The following ANKRD17 variants were observed in gnomAD, a reference collection of about 807,000 sequenced individuals.
ANKRD17 encodes ankyrin repeat domain 17, also known as ankyrin repeat domain-containing protein 17.
Under a neutral mutation model 229.7 loss-of-function variants are expected in ANKRD17, and 19 were observed. The ratio of observed to expected loss-of-function variants is 0.08; its 90% CI spans 0.06 to 0.12. The LOEUF (loss-of-function observed/expected upper bound fraction) is 0.12, where lower values mean the gene tolerates loss of function less well. Ranked by LOEUF, ANKRD17 falls within the 10% of genes least tolerant of loss-of-function variation. ANKRD17 has a pLI of 1.00. For synonymous variants in ANKRD17, 1,112 were observed against 1,146.1 expected, an observed-to-expected ratio of 0.97 and a Z score of 0.60; for missense variants, 2,176 against 3,176.8, an observed-to-expected ratio of 0.68 and a Z score of 7.57.
At chr4:73,177,616 G>C in intron 1 of ANKRD17, 83 bp from the exon 2 acceptor site, 13 of 1,085,056 alleles carry the variant, frequency 1.2e-5, no homozygotes, top group Non-Finnish European at 1.7e-5. Flanking sequence ...AAAGAAAGCA[G>C]GGGAGGGAAA....
chr4:73,163,788 TA>T (rs1272199030), intron 2 of ANKRD17, among the ~76,000 whole-genome samples: 2 of 152,218 alleles, frequency 1.3e-5, no homozygotes, highest in African/African-American at 2.4e-5. Flanking sequence ...GCCTTTAAAA[TA>T]TTTTTTTTCT....
intron 22 of ANKRD17, among the ~76,000 whole-genome samples, chr4:73,117,603 G>C (rs111425671): frequency 8.6e-4 from 131 of 152,304 alleles, no homozygotes; most frequent in African/African-American, 2.9e-3. Flanking sequence ...ATCTAGGGAA[G>C]AGGTAGAATA....
At position 73,091,129 on chromosome 4, in the gene ANKRD17, G is replaced by T; in HGVS notation, c.6499C>A (p.Pro2167Thr). 3 of 1,614,092 alleles carry T rather than the reference G, an allele frequency of 1.9e-6. No homozygotes were observed. The highest frequency in any genetic ancestry group is 2.5e-6 in the Non-Finnish European group (3 of 1,180,038). ...YPMPQTPMGC[P>T]QPTPKMETPA... ...GTTTCCATTTTAGGAGTAGGCTGGGGGCATCCCATTGGTGTCTGAGGCATA... is the reference window on the plus strand; with the variant it reads ...GTTTCCATTTTAGGAGTAGGCTGGGTGCATCCCATTGGTGTCTGAGGCATA... The change falls in exon 29 of 34, where the codon CCC becomes ACC. Residue 2167 changes from proline to threonine, a missense_variant. Physicochemically the swap from Pro to Thr is conservative, Grantham distance 38. Coordinates refer to ENST00000358602, the MANE Select transcript of ANKRD17 (RefSeq NM_032217.5).
At chr4:73,194,536 T>A (rs563084908) in intron 1 of ANKRD17, among the ~76,000 whole-genome samples, 1 of 152,186 alleles carries the variant, frequency 6.6e-6, no homozygotes, top group Admixed American at 6.5e-5. Context: ...CTTTTCTATA[T>A]AGATACTAAA....
intron 1 of ANKRD17, among the ~76,000 whole-genome samples, chr4:73,179,490 A>G (rs113915965): frequency 0.041 from 2,047 of 49,606 alleles, 16 homozygotes; most frequent in South Asian, 0.056. Flanking sequence ...GTGTGTGTGT[A>G]TATATATATA....
chr4:73,188,364 A>T (rs556417635), intron 1 of ANKRD17, among the ~76,000 whole-genome samples: 1 of 152,226 alleles, frequency 6.6e-6, no homozygotes, highest in South Asian at 2.1e-4. Context: ...AGGTAGGCGG[A>T]TCATGAGGTC....
intron 2 of ANKRD17, among the ~76,000 whole-genome samples, chr4:73,176,097 A>G (rs1378104700): frequency 6.6e-6 from 1 of 152,180 alleles, no homozygotes; most frequent in African/African-American, 2.4e-5. Context: ...AAGGAGCTCA[A>G]ACAATAGGAA....
chr4:73,222,495 C>A (rs113991685), intron 1 of ANKRD17, among the ~76,000 whole-genome samples: 1 of 152,034 alleles, frequency 6.6e-6, no homozygotes, highest in East Asian at 1.9e-4. Context: ...CCAGAGTATA[C>A]CAGCTAAATT....
At chr4:73,154,862 A>C (rs1054547562) in intron 5 of ANKRD17, among the ~76,000 whole-genome samples, 8 of 152,152 alleles carry the variant, frequency 5.3e-5, no homozygotes, top group African/African-American at 1.9e-4. Context: ...TAAAACGGTG[A>C]AACCCCGTCT....
chr4:73,227,608 T>C (rs1742642705), intron 1 of ANKRD17, among the ~76,000 whole-genome samples: 1 of 151,988 alleles, frequency 6.6e-6, no homozygotes, highest in African/African-American at 2.4e-5. Context: ...CATATAAAAA[T>C]AATTTAAAAT....
intron 1 of ANKRD17, among the ~76,000 whole-genome samples, chr4:73,253,367 T>C (rs1039841215): frequency 5.3e-5 from 8 of 152,216 alleles, no homozygotes; most frequent in African/African-American, 1.2e-4. Context: ...ACCTAGCACA[T>C]AGTAGGAACT....
At chr4:73,211,692 C>T (rs1242882295) in intron 1 of ANKRD17, among the ~76,000 whole-genome samples, 1 of 151,758 alleles carries the variant, frequency 6.6e-6, no homozygotes, top group East Asian at 1.9e-4. Context: ...ACTAAAAATA[C>T]AAAAATTAGC....
chr4:73,236,785 C>A (rs181033417), intron 1 of ANKRD17, among the ~76,000 whole-genome samples: 1 of 151,998 alleles, frequency 6.6e-6, no homozygotes, highest in Admixed American at 6.6e-5. Context: ...TGTAGATTAC[C>A]TCCATTCTTT....
Position 73,073,435 on chromosome 4 carries a change from T to C in ANKRD17, c.*2796A>G, listed in dbSNP as rs1488365924. Reference sequence around the variant, plus strand: ...CTGAAGAGATTTTATAACTTTGAGTTTTCCTGTTTAGTCTAACACTGTACT... The same window carrying C: ...CTGAAGAGATTTTATAACTTTGAGTCTTCCTGTTTAGTCTAACACTGTACT... On this transcript the variant is annotated 3_prime_UTR_variant, in exon 34 of 34. Transcript: ENST00000358602. 6.6e-6 allele frequency: 1 copy of C among 152,094 alleles called. No homozygotes were observed. Among genetic ancestry groups the C allele is most frequent in the Non-Finnish European group, 1.5e-5 (1 of 67,942 alleles). The allele number at this position is 152,094 out of a possible 1,614,324, so 9.4% of individuals were successfully genotyped here. A position where few individuals can be genotyped will look rare whatever the true frequency, so the allele number is the denominator to read the frequency against.
intron 28 of ANKRD17, among the ~76,000 whole-genome samples, chr4:73,092,931 G>A (rs1172738809): frequency 6.6e-6 from 1 of 152,078 alleles, no homozygotes; most frequent in African/African-American, 2.4e-5. Flanking sequence ...CCTTAGTGCT[G>A]GATCTTCAGG....
intron 1 of ANKRD17, among the ~76,000 whole-genome samples, chr4:73,215,773 G>A (rs1468594099): frequency 2.6e-5 from 4 of 152,130 alleles, no homozygotes; most frequent in Non-Finnish European, 5.9e-5. Flanking sequence ...GTTTAGGAAT[G>A]GTTTTAAAGA....
intron 1 of ANKRD17, among the ~76,000 whole-genome samples, chr4:73,183,806 T>C (rs1359429772): frequency 1.3e-5 from 2 of 152,190 alleles, no homozygotes; most frequent in Non-Finnish European, 2.9e-5. Flanking sequence ...CTTTTGTTCA[T>C]GCTAAGTCCT....
intron 29 of ANKRD17, among the ~76,000 whole-genome samples, chr4:73,088,840 T>C (rs897768867): frequency 1.1e-4 from 16 of 152,210 alleles, no homozygotes; most frequent in African/African-American, 3.6e-4. Flanking sequence ...GATAACGAGT[T>C]GGCAACCAAG....
intron 24 of ANKRD17, among the ~76,000 whole-genome samples, chr4:73,111,454 G>A (rs1362447410): frequency 6.6e-6 from 1 of 152,108 alleles, no homozygotes; most frequent in Non-Finnish European, 1.5e-5. Context: ...ACTCAGAACG[G>A]CATGCAACAT....
Sources: gnomAD v4.1 joint callset for allele counts (sites outside exome capture counted in the v4.1 genomes callset) on GRCh38, gnomAD v4.1.1 for gene constraint, MANE v1.5 for transcripts, NCBI Gene and HGNC (gene_info 2026-07-23, HGNC 2026-07-21) for gene names.